LGALS4: variants seen among roughly 807,000 people sequenced by gnomAD.
LGALS4 encodes the protein galectin 4.
In LGALS4, 37 loss-of-function variants were observed where a neutral mutation model predicts 39.6. That is an observed-to-expected ratio of 0.93 (90% CI 0.72 to 1.23). The LOEUF is 1.23. Among genes scored for constraint, LGALS4 ranks in the 50% most tolerant of loss-of-function variants. The pLI is 0.00. For synonymous variants in LGALS4, 160 were observed against 165.5 expected, an observed-to-expected ratio of 0.97 and a Z score of 0.25; for missense variants, 397 against 433.2, an observed-to-expected ratio of 0.92 and a Z score of 0.74.
chr19:38,803,510 C>T lies in LGALS4; in HGVS notation c.570+12G>A. On this transcript the variant is annotated intron_variant, in intron 7 of 9. Transcript: ENST00000307751. ...CCTCCCCACCATCCATCTCTGTTTC[C>T]CCAAGCCATACCGGGTTGAAGGTTG... is the stretch of plus-strand genomic sequence containing the variant. The T allele has an allele frequency of 6.2e-7, 1 of 1,613,774 alleles. No individual in the cohort carries two copies. The highest frequency in any genetic ancestry group is 8.5e-7 in the Non-Finnish European group (1 of 1,179,662).
chr19:38,806,983 ATTGGGAGTCGATAGTC>A (rs1971429840), intron 3 of LGALS4, among the ~76,000 whole-genome samples: 1 of 150,508 alleles, frequency 6.6e-6, no homozygotes, highest in Non-Finnish European at 1.5e-5. Context: ...GATCTTTTTC[ATTGGGAGTCGATAGTC>A]TTGGGGATGA....
chr19:38,803,424 C>T, intron 7 of LGALS4, 98 bp downstream of exon 7: 2 of 1,279,382 alleles, frequency 1.6e-6, no homozygotes, highest in Non-Finnish European at 1.1e-6. Context: ...CTACCTCCCA[C>T]CCCAAAACCC....
At chr19:38,804,329 C>A (rs1315516577) in intron 4 of LGALS4, among the ~76,000 whole-genome samples, 1 of 152,110 alleles carries the variant, frequency 6.6e-6, no homozygotes, top group African/African-American at 2.4e-5. Flanking sequence ...GCCCAGGGTG[C>A]CGTGCAGTGG....
rs1467934100 is a variant in LGALS4, at chr19:38,807,296, G to T, written c.340-701C>A. Among the ~76,000 whole-genome samples, 4 of 152,140 alleles carry T rather than the reference G, an allele frequency of 2.6e-5. No individual in the cohort carries two copies. The East Asian group carries it at 7.7e-4, about 29-fold the overall frequency. On this transcript the variant is annotated intron_variant, in intron 3 of 9. Coordinates refer to ENST00000307751, the MANE Select transcript of LGALS4 (RefSeq NM_006149.4). ...TGTGAGAGGATCACCTGAGCCCGGG[G>T]AGGTTGAGGCTGTAGTGAGCTGTTT...
chr19:38,801,974 A>AAG lies in LGALS4; in HGVS notation c.825+16_825+17dup. The AAG allele has an allele frequency of 6.2e-7, 1 of 1,614,024 alleles. No homozygotes were observed. The highest frequency in any genetic ancestry group is 8.5e-7 in the Non-Finnish European group (1 of 1,179,878). On this transcript the variant is annotated intron_variant, in intron 9 of 9. Coordinates refer to ENST00000307751, the MANE Select transcript of LGALS4 (RefSeq NM_006149.4). ...CTGAGGCCCTGGAAGGAAGTGGGAA[A>AAG]AGAGAGCTCAGACTCACATCAAAGA...
At chr19:38,808,571 C>T (rs1405975169) in intron 3 of LGALS4, among the ~76,000 whole-genome samples, 173 bp downstream of exon 3, 1 of 146,432 alleles carries the variant, frequency 6.8e-6, no homozygotes. Context: ...TTGCAGTAAG[C>T]TGAGATCATG....
Position 38,803,523 on chromosome 19 carries a change from G to C in LGALS4, c.569C>G (p.Pro190Arg). Reference sequence around the variant, plus strand: ...CATCTCTGTTTCCCCAAGCCATACCGGGTTGAAGGTTGGGGGTCCTTCCAT... The same window carrying C: ...CATCTCTGTTTCCCCAAGCCATACCCGGTTGAAGGTTGGGGGTCCTTCCAT... ...PTMEGPPTFN[P>R]PVPYFGRLQG... The change falls in exon 7 of 10, where the codon CCG (proline) becomes CGG (arginine). Residue 190 changes from proline (P) to arginine (R), a missense_variant and splice_region_variant. Physicochemically the swap from Pro to Arg is moderately radical, Grantham distance 103 (BLOSUM62 -2). Transcript: ENST00000307751. 6.2e-7 allele frequency: 1 copy of C among 1,613,834 alleles called. No individual in the cohort carries two copies. The highest frequency in any genetic ancestry group is 8.5e-7 in the Non-Finnish European group (1 of 1,179,836).
intron 2 of LGALS4, among the ~76,000 whole-genome samples, chr19:38,812,027 A>C (rs1204571567): frequency 6.6e-6 from 1 of 151,918 alleles, no homozygotes; most frequent in African/African-American, 2.4e-5. Context: ...ACAAAAAAAA[A>C]AACAAAAAAA....
chr19:38,807,336 C>T (rs1971434320), intron 3 of LGALS4, among the ~76,000 whole-genome samples: 1 of 152,106 alleles, frequency 6.6e-6, no homozygotes, highest in Non-Finnish European at 1.5e-5. Flanking sequence ...CACTGCACTC[C>T]AGCCTGGGCA....
Position 38,808,743 on chromosome 19 carries a change from C to A in LGALS4, c.339+1G>T. On this transcript the variant is annotated splice_donor_variant, in intron 3 of 9. Coordinates refer to ENST00000307751, the MANE Select transcript of LGALS4 (RefSeq NM_006149.4). LOFTEE classifies it high-confidence loss of function. ...GGAAACAAGAGAGAAAGCATGCAGA[C>A]CTTGTAGTGCTCAGCCAGGACTATG... is the stretch of plus-strand genomic sequence containing the variant. 6.2e-7 allele frequency: 1 copy of A among 1,613,802 alleles called. No individual in the cohort carries two copies. The highest frequency in any genetic ancestry group is 8.5e-7 in the Non-Finnish European group (1 of 1,179,786).
At chr19:38,803,423 A>T in intron 7 of LGALS4, 99 bp downstream of exon 7, 1 of 1,221,964 alleles carries the variant, frequency 8.2e-7, no homozygotes, top group Non-Finnish European at 1.2e-6. Context: ...CCTACCTCCC[A>T]CCCCAAAACC....
intron 9 of LGALS4, 37 bp from the exon 10 acceptor site, chr19:38,801,947 G>A: frequency 6.2e-7 from 1 of 1,613,940 alleles, no homozygotes; most frequent in East Asian, 2.2e-5. Flanking sequence ...CCAGGGCCAG[G>A]ACTGAGGCCC....
At chr19:38,812,563 G>A (rs375391282) in intron 1 of LGALS4, 44 bp from the exon 2 acceptor site, 6 of 1,567,370 alleles carry the variant, frequency 3.8e-6, no homozygotes, top group Non-Finnish European at 5.3e-6. Context: ...CCATCTGCCT[G>A]TTGCAGCCTT....
chr19:38,803,958 C>G (rs1971392954), intron 4 of LGALS4, 63 bp from the exon 5 acceptor site: 2 of 1,545,032 alleles, frequency 1.3e-6, no homozygotes, highest in South Asian at 2.4e-5. Flanking sequence ...TGAAAGATGT[C>G]GAGAGTGCCT....
rs778143039 is a variant in LGALS4, at chr19:38,802,116, G to C, written c.701C>G (p.Ala234Gly). ...GCCCATGCGGGGATTAATGTGCAGAGCTATGTCCCCTGAGGAGCCCACCTT... is the reference window on the plus strand; with the variant it reads ...GCCCATGCGGGGATTAATGTGCAGACCTATGTCCCCTGAGGAGCCCACCTT... Reference protein sequence around the residue: ...NFKVGSSGDIALHINPRMGNG... With the variant: ...NFKVGSSGDIGLHINPRMGNG... Residue 234 changes from alanine (A) to glycine (G), a missense_variant, in exon 9 of 10, where the codon GCT becomes GGT. By Grantham distance (60) the Ala-to-Gly change is moderately conservative (BLOSUM62 0). Coordinates refer to ENST00000307751, the MANE Select transcript of LGALS4 (RefSeq NM_006149.4). 6.2e-7 allele frequency: 1 copy of C among 1,614,168 alleles called. No individual in the cohort carries two copies. Among genetic ancestry groups the C allele is most frequent in the Admixed American group, 1.7e-5 (1 of 60,024 alleles).
chr19:38,806,718 G>A (rs1249446113), intron 3 of LGALS4, 123 bp from the exon 4 acceptor site: 1 of 960,954 alleles, frequency 1.0e-6, no homozygotes, highest in East Asian at 2.5e-5. Context: ...AGGCTGAGGG[G>A]GGTGGATCAT....
At chr19:38,807,645 G>T (rs564842360) in intron 3 of LGALS4, among the ~76,000 whole-genome samples, 121 of 152,272 alleles carry the variant, frequency 7.9e-4, no homozygotes, top group Non-Finnish European at 1.5e-3. Context: ...CGACCATCAA[G>T]AATGGGCCAT....
At chr19:38,803,234 C>T (rs1357020001) in intron 7 of LGALS4, 10 of 505,648 alleles carry the variant, frequency 2.0e-5, no homozygotes, top group East Asian at 1.3e-4. Flanking sequence ...AGGATGGTCT[C>T]GATCGATCTC....
chr19:38,811,158 C>T (rs1971489159), intron 2 of LGALS4, among the ~76,000 whole-genome samples: 1 of 152,060 alleles, frequency 6.6e-6, no homozygotes, highest in Non-Finnish European at 1.5e-5. Context: ...GCCTAGGCCT[C>T]CTAAAGTGCT....
Sources: gnomAD v4.1 joint callset for allele counts (sites outside exome capture counted in the v4.1 genomes callset) on GRCh38, gnomAD v4.1.1 for gene constraint, MANE v1.5 for transcripts, NCBI Gene and HGNC (gene_info 2026-07-23, HGNC 2026-07-21) for gene names.